Variants in SYT2 observed in about 807,000 individuals in gnomAD.
SYT2 encodes synaptotagmin-2.
Under a neutral mutation model 39.9 loss-of-function variants are expected in SYT2, and 15 were observed. That is an observed-to-expected ratio of 0.38 (90% CI 0.25 to 0.58). SYT2 has a LOEUF of 0.58. Among genes scored for constraint, SYT2 ranks in the 20% least tolerant of loss-of-function variants. The pLI is 0.70. For synonymous variants in SYT2, 181 were observed against 204.5 expected, an observed-to-expected ratio of 0.89 and a Z score of 0.98; for missense variants, 389 against 530.3, an observed-to-expected ratio of 0.73 and a Z score of 2.62.
chr1:202,663,459 T>A (rs1019196213), intron 1 of SYT2, among the ~76,000 whole-genome samples: 14 of 152,172 alleles, frequency 9.2e-5, no homozygotes, highest in African/African-American at 3.4e-4. Flanking sequence ...CGGCTCCTCT[T>A]CCTGAATCCC....
At chr1:202,608,922 A>T (rs1378497978) in intron 1 of SYT2, among the ~76,000 whole-genome samples, 2 of 152,022 alleles carry the variant, frequency 1.3e-5, no homozygotes, top group Non-Finnish European at 2.9e-5. Flanking sequence ...ACATGTGCAC[A>T]ATGTGCAGGT....
At position 202,604,602 on chromosome 1, in the gene SYT2, G is replaced by C; in HGVS notation, c.198C>G (p.Ile66Met). The change falls in exon 3 of 9, where the codon ATC (isoleucine) becomes ATG (methionine). Residue 66 changes from isoleucine to methionine, a missense_variant. This residue lies in a region of SYT2 where 280 missense variants were observed against 335.6 expected (regional missense o/e 0.83). Transcript: ENST00000367268. ...NKIPLPPWAL[I>M]AIAVVAGLLL... ...GGAGCCCAGCAACCACAGCAATGGC[G>C]ATCAGTGCCCAGGGTGGTACTGCCC... The C allele has an allele frequency of 2.5e-6, 4 of 1,614,098 alleles. No homozygotes were observed. The highest frequency in any genetic ancestry group is 3.4e-6 in the Non-Finnish European group (4 of 1,180,002).
chr1:202,651,278 G>A (rs1692190288), intron 1 of SYT2, among the ~76,000 whole-genome samples: 1 of 152,088 alleles, frequency 6.6e-6, no homozygotes, highest in Non-Finnish European at 1.5e-5. Context: ...GGAAAAGAGA[G>A]GAGTCCAGGA....
At chr1:202,695,667 TCA>T (rs933311486) in intron 1 of SYT2, among the ~76,000 whole-genome samples, 2 of 152,164 alleles carry the variant, frequency 1.3e-5, no homozygotes, top group Non-Finnish European at 2.9e-5. Context: ...CATCTTCCTC[TCA>T]CAGACATCCA....
At chr1:202,644,036 G>A (rs905139693) in intron 1 of SYT2, among the ~76,000 whole-genome samples, 31 of 152,336 alleles carry the variant, frequency 2.0e-4, no homozygotes, top group African/African-American at 7.2e-4. Flanking sequence ...AGAGAAGGGA[G>A]GGAGAAGAGA....
chr1:202,678,626 G>A (rs982561850), intron 1 of SYT2, among the ~76,000 whole-genome samples: 4 of 152,022 alleles, frequency 2.6e-5, no homozygotes, highest in Non-Finnish European at 5.9e-5. Context: ...GGCCTCGAGA[G>A]GTACTGTCCT....
At chr1:202,652,664 C>T (rs367663955) in intron 1 of SYT2, among the ~76,000 whole-genome samples, 8 of 152,174 alleles carry the variant, frequency 5.3e-5, no homozygotes, top group African/African-American at 1.9e-4. Flanking sequence ...CCCAGAGACT[C>T]CCTCAGCTAT....
Position 202,592,185 on chromosome 1 carries a change from A to T in SYT2, c.*4572T>A, listed in dbSNP as rs1316938536. The T allele has an allele frequency of 6.5e-6, 1 of 152,762 alleles. No individual in the cohort carries two copies. The highest frequency in any genetic ancestry group is 1.5e-5 in the Non-Finnish European group (1 of 68,148). 9.5% of individuals were successfully genotyped at this position (152,762 alleles called of 1,614,324 possible). On this transcript the variant is annotated 3_prime_UTR_variant, in exon 9 of 9. Coordinates refer to ENST00000367268, the MANE Select transcript of SYT2 (RefSeq NM_177402.5). The stretch of plus-strand genomic sequence containing the variant: ...AGTGGGAGGAAGGGGCACACCACAC[A>T]CATACACAGAACATGGAAGCTACTG...
At chr1:202,612,084 G>A (rs1024696887) in intron 1 of SYT2, among the ~76,000 whole-genome samples, 1 of 152,198 alleles carries the variant, frequency 6.6e-6, no homozygotes, top group African/African-American at 2.4e-5. Context: ...TATGGCGTAA[G>A]GAAGGGGTTC....
chr1:202,678,543 C>T (rs1038990833), intron 1 of SYT2, among the ~76,000 whole-genome samples: 7 of 152,194 alleles, frequency 4.6e-5, no homozygotes, highest in African/African-American at 1.4e-4. Context: ...TTTCATACGG[C>T]TCCCTTAATG....
intron 1 of SYT2, among the ~76,000 whole-genome samples, chr1:202,665,413 G>A (rs772677996): frequency 2.0e-5 from 3 of 152,068 alleles, no homozygotes; most frequent in African/African-American, 4.8e-5. Flanking sequence ...ATGACAAGGC[G>A]CCTGACCTCA....
intron 1 of SYT2, among the ~76,000 whole-genome samples, chr1:202,613,228 G>A (rs1417513979): frequency 6.6e-6 from 1 of 151,840 alleles, no homozygotes; most frequent in Non-Finnish European, 1.5e-5. Flanking sequence ...TTATAGGCAT[G>A]TGCCACCATG....
At chr1:202,701,219 G>A (rs902027408) in intron 1 of SYT2, among the ~76,000 whole-genome samples, 20 of 152,184 alleles carry the variant, frequency 1.3e-4, no homozygotes, top group East Asian at 1.9e-4. Flanking sequence ...TGGAAGTGAC[G>A]AGCTCACTTC....
intron 1 of SYT2, among the ~76,000 whole-genome samples, chr1:202,698,643 T>G (rs534415567): frequency 6.6e-6 from 1 of 152,184 alleles, no homozygotes; most frequent in South Asian, 2.1e-4. Flanking sequence ...GCTCTCAGCT[T>G]TTCTCTGTGG....
chr1:202,610,173 G>A (rs1159350116), intron 1 of SYT2, among the ~76,000 whole-genome samples: 1 of 152,146 alleles, frequency 6.6e-6, no homozygotes, highest in Non-Finnish European at 1.5e-5. Context: ...TTTTTGTCAG[G>A]TTTGTCAAAG....
In SYT2 at chr1:202,595,979, G is replaced by C. The variant is rs1302184575; in HGVS notation, c.*778C>G. On this transcript the variant is annotated 3_prime_UTR_variant, in exon 9 of 9. Coordinates refer to ENST00000367268, the MANE Select transcript of SYT2 (RefSeq NM_177402.5). ...CCATGACTGGCAGGAGGAAGTATTT[G>C]ATGGCATCGTTTGGTCCTAGTTCTG... 2 of 152,168 alleles carry C rather than the reference G, an allele frequency of 1.3e-5. No individual in the cohort carries two copies. Among genetic ancestry groups the C allele is most frequent in the African/African-American group, 2.4e-5 (1 of 41,428 alleles). 9.4% of individuals were successfully genotyped at this position (152,168 alleles called of 1,614,324 possible). A position where few individuals can be genotyped will look rare whatever the true frequency, so the allele number is the denominator to read the frequency against.
At chr1:202,666,094 A>C (rs530434074) in intron 1 of SYT2, among the ~76,000 whole-genome samples, 21 of 148,954 alleles carry the variant, frequency 1.4e-4, no homozygotes, top group African/African-American at 5.2e-4. Flanking sequence ...CGGAGCTTGC[A>C]GTGAGCCGAG....
rs141111102 is a variant in SYT2 at position 202,608,451 on chromosome 1, A to G, written c.-17-2662T>C. 1.8e-3 allele frequency among the ~76,000 whole-genome samples: 275 copies of G among 151,804 alleles called. 1 individual carries two copies. Among genetic ancestry groups the G allele is most frequent in the African/African-American group, 6.1e-3 (254 of 41,374 alleles). ...GCCATCACACCAAGCTAATTTTTTA[A>G]TTTTTTGTAGATATGGGGTCTCCCT... On this transcript the variant is annotated intron_variant, in intron 1 of 8. Coordinates refer to ENST00000367268, the MANE Select transcript of SYT2 (RefSeq NM_177402.5).
intron 1 of SYT2, among the ~76,000 whole-genome samples, chr1:202,615,976 C>T (rs914288464): frequency 4.6e-5 from 7 of 152,172 alleles, no homozygotes; most frequent in African/African-American, 1.7e-4. Flanking sequence ...TCTCCTTCTC[C>T]ATGGCTACCC....
Sources: gnomAD v4.1 joint callset for allele counts (sites outside exome capture counted in the v4.1 genomes callset) on GRCh38, gnomAD v4.1.1 for gene constraint, gnomAD v4.1.1 regional missense constraint, MANE v1.5 for transcripts, NCBI Gene and HGNC (gene_info 2026-07-23, HGNC 2026-07-21) for gene names.